IWS1: variants seen among roughly 807,000 people sequenced by gnomAD.
IWS1 encodes the protein interacts with SUPT6H, CTD assembly factor 1, also known as protein IWS1 homolog.
IWS1 carries 27 observed loss-of-function variants against 86.7 expected under a neutral mutation model. The ratio of observed to expected loss-of-function variants is 0.31; its 90% CI spans 0.23 to 0.43. The LOEUF (loss-of-function observed/expected upper bound fraction) is 0.43, where lower values mean the gene tolerates loss of function less well. Among genes scored for constraint, IWS1 ranks in the 20% least tolerant of loss-of-function variants. The pLI is 1.00. For synonymous variants in IWS1, 313 were observed against 335.1 expected (o/e 0.93, Z 0.72); for missense variants, 827 against 1,000.8 (o/e 0.83, Z 2.34).
At chr2:127,496,303 T>C (rs928375254) in intron 6 of IWS1, among the ~76,000 whole-genome samples, 155 bp from the exon 7 acceptor site, 2 of 152,198 alleles carry the variant, frequency 1.3e-5, no homozygotes, top group East Asian at 1.9e-4. Flanking sequence ...CGCATAACGA[T>C]GTTTCGGTCA....
At chr2:127,514,554 G>A (rs886452778) in intron 2 of IWS1, 5 of 152,366 alleles carry the variant, frequency 3.3e-5, no homozygotes, top group Non-Finnish European at 5.9e-5. Context: ...CTTGGCAGTG[G>A]GAACTGAGCT....
Position 127,503,540 on chromosome 2 carries a change from T to G in IWS1, c.1256A>C (p.Asp419Ala). ...GTCTGATACAGCATCACTGTCAGAG[T>G]CATCTGCATCAGAGACAACACGACT... Reference protein sequence around the residue: ...KKSRVVSDADDSDSDAVSDKS... With the variant: ...KKSRVVSDADASDSDAVSDKS... Residue 419 changes from aspartate to alanine, a missense_variant, in exon 4 of 14, where the codon GAC becomes GCC. This residue lies in a region of IWS1 where 548 missense variants were observed against 560.2 expected (regional missense o/e 0.98). Transcript: ENST00000295321. 6.2e-7 allele frequency: 1 copy of G among 1,609,964 alleles called. No homozygotes were observed.
intron 7 of IWS1, 85 bp from the exon 8 acceptor site, chr2:127,495,039 A>G (rs774280594): frequency 5.0e-6 from 4 of 796,226 alleles, no homozygotes; most frequent in Non-Finnish European, 7.8e-6. Context: ...ACCTTAAAAT[A>G]ACAGTTTTTC....
chr2:127,516,500 C>T (rs1691782967), intron 2 of IWS1, among the ~76,000 whole-genome samples: 1 of 152,136 alleles, frequency 6.6e-6, no homozygotes, highest in South Asian at 2.1e-4. Flanking sequence ...ATGGCTCACA[C>T]GTGTAATCCC....
Position 127,504,490 on chromosome 2 carries a change from T to C in IWS1, c.1219+194A>G, listed in dbSNP as rs185725410. On this transcript the variant is annotated intron_variant, in intron 3 of 13. Coordinates refer to ENST00000295321, the MANE Select transcript of IWS1 (RefSeq NM_017969.3). ...GCAGTCAGAGATTAATATGTGCTAA[T>C]AGAACTCCAAGGAAACTTACTATTA... 2.3e-3 allele frequency among the ~76,000 whole-genome samples: 352 copies of C among 152,298 alleles called. 3 individuals are homozygous for C. The highest frequency in any genetic ancestry group is 7.5e-3 in the African/African-American group (313 of 41,560).
At position 127,489,745 on chromosome 2, in the gene IWS1, C is replaced by T; in HGVS notation, c.2159+87G>A. 4 of 779,226 alleles carry T rather than the reference C, an allele frequency of 5.1e-6. No individual in the cohort carries two copies. Among genetic ancestry groups the T allele is most frequent in the Non-Finnish European group, 9.2e-6 (4 of 433,848 alleles). The allele number at this position is 779,226 out of a possible 1,614,324, so 48.3% of individuals were successfully genotyped here. A position where few individuals can be genotyped will look rare whatever the true frequency, so the allele number is the denominator to read the frequency against. ...CTGAGAGGAAAGGAAATCCTATCAT[C>T]TTGCAGGCTTCCTAATGATCTTACT... is the stretch of plus-strand genomic sequence containing the variant. On this transcript the variant is annotated intron_variant, in intron 11 of 13. Coordinates refer to ENST00000295321, the MANE Select transcript of IWS1 (RefSeq NM_017969.3). The surrounding 1 kb of genome is among the most constrained non-coding windows in gnomAD (Gnocchi z 4.8).
chr2:127,511,262 C>T (rs1691436599), intron 2 of IWS1: 1 of 152,190 alleles, frequency 6.6e-6, no homozygotes, highest in African/African-American at 2.4e-5. Flanking sequence ...CCCAGCTCTG[C>T]TATTTTCTAC....
intron 12 of IWS1, 152 bp from the exon 13 acceptor site, chr2:127,486,816 C>T (rs762428557): frequency 3.2e-6 from 2 of 630,948 alleles, no homozygotes; most frequent in African/African-American, 3.6e-5. Context: ...AATCCACCCT[C>T]CTGCCGCCTC....
At position 127,486,676 on chromosome 2, in the gene IWS1, A is replaced by C. The variant is rs1689947286; in HGVS notation, c.2217-12T>G. ...CAGGTCTAAGAGCCCTGAAAAAGGG[A>C]AGAGGAAGAGCATGCTTCTTATGTG... On this transcript the variant is annotated splice_polypyrimidine_tract_variant and intron_variant, in intron 12 of 13. Coordinates refer to ENST00000295321, the MANE Select transcript of IWS1 (RefSeq NM_017969.3). 6.2e-7 allele frequency: 1 copy of C among 1,603,038 alleles called. No homozygotes were observed. The highest frequency in any genetic ancestry group is 8.5e-7 in the Non-Finnish European group (1 of 1,170,170).
At chr2:127,496,763 G>C (rs1430766382) in intron 6 of IWS1, among the ~76,000 whole-genome samples, 1 of 152,092 alleles carries the variant, frequency 6.6e-6, no homozygotes, top group East Asian at 1.9e-4. Context: ...GTAGAGACAG[G>C]GAGGGCCTCA....
chr2:127,492,874 T>C (rs1318278545), intron 9 of IWS1: 1 of 154,736 alleles, frequency 6.5e-6, no homozygotes, highest in Non-Finnish European at 1.4e-5. Context: ...GTGCGTGGCA[T>C]AGGAGGTTTC....
At chr2:127,519,554 T>C (rs1691971718) in intron 2 of IWS1, among the ~76,000 whole-genome samples, 1 of 149,486 alleles carries the variant, frequency 6.7e-6, no homozygotes, top group African/African-American at 2.4e-5. Context: ...CTAGCCTAAA[T>C]TCTAAAATAC....
At chr2:127,506,522 G>T (rs573623254) in intron 2 of IWS1, among the ~76,000 whole-genome samples, 130 of 152,128 alleles carry the variant, frequency 8.5e-4, no homozygotes, top group Non-Finnish European at 1.6e-3. Flanking sequence ...TATTTAAAGG[G>T]TCAAATAACA....
intron 5 of IWS1, among the ~76,000 whole-genome samples, chr2:127,502,327 TC>T (rs1293452848): frequency 6.6e-6 from 1 of 152,204 alleles, no homozygotes; most frequent in African/African-American, 2.4e-5. Context: ...ATGAGTAGCC[TC>T]TCAGCCTGAC....
chr2:127,522,564 G>A (rs1692156622), intron 2 of IWS1, among the ~76,000 whole-genome samples: 1 of 152,234 alleles, frequency 6.6e-6, no homozygotes, highest in Admixed American at 6.5e-5. Context: ...ATAAATACCT[G>A]TTGAATGTAT....
At chr2:127,526,054 G>T in intron 1 of IWS1, 121 bp downstream of exon 1, 1 of 926,472 alleles carries the variant, frequency 1.1e-6, no homozygotes, top group Non-Finnish European at 1.6e-6. Flanking sequence ...CCCTCCTCGG[G>T]CCGGGTCGCG....
intron 2 of IWS1, among the ~76,000 whole-genome samples, chr2:127,517,128 T>C (rs1691818238): frequency 2.6e-5 from 4 of 152,222 alleles, no homozygotes; most frequent in Admixed American, 2.6e-4. Flanking sequence ...AGACATCCCG[T>C]GTTCTTGGAT....
intron 2 of IWS1, among the ~76,000 whole-genome samples, chr2:127,509,916 A>G (rs1691353158): frequency 1.3e-5 from 2 of 152,158 alleles, no homozygotes; most frequent in Admixed American, 6.5e-5. Context: ...AAGTAAATAA[A>G]ACTGCTATAA....
intron 12 of IWS1, among the ~76,000 whole-genome samples, chr2:127,487,481 A>G (rs889418555): frequency 6.6e-6 from 1 of 152,206 alleles, no homozygotes; most frequent in Non-Finnish European, 1.5e-5. Context: ...GAGTGGATCT[A>G]TGTGTGTCTG....
Sources: allele counts gnomAD v4.1 joint callset (sites outside exome capture counted in the v4.1 genomes callset), GRCh38; gene constraint gnomAD v4.1.1; regional missense constraint gnomAD v4.1.1; non-coding constraint Gnocchi (gnomAD v3.1); transcripts MANE v1.5; gene names NCBI Gene and HGNC (gene_info 2026-07-23, HGNC 2026-07-21).